Variants in STAB2 observed in about 807,000 individuals in gnomAD.
STAB2 encodes stabilin-2.
Under a neutral mutation model 338.1 loss-of-function variants are expected in STAB2, and 288 were observed. The observed-to-expected ratio is 0.85, with a 90% CI of 0.77 to 0.94. STAB2 has a LOEUF of 0.94. STAB2 is among the 40% of genes least tolerant of loss of function. The probability of loss-of-function intolerance (pLI) is 0.00; values close to 1 mark genes in which losing one functional copy is unlikely to be tolerated. For missense variants in STAB2, 3,141 were observed against 3,210.1 expected, an observed-to-expected ratio of 0.98 and a Z score of 0.52; for synonymous variants, 1,202 against 1,193.3, an observed-to-expected ratio of 1.01 and a Z score of -0.15.
chr12:103,630,392 T>C (rs948328228), intron 5 of STAB2, among the ~76,000 whole-genome samples: 1 of 152,254 alleles, frequency 6.6e-6, no homozygotes, highest in Non-Finnish European at 1.5e-5. Context: ...TCTTCTTAAT[T>C]ATGTTTCATT....
Position 103,662,830 on chromosome 12 carries a change from C to G in STAB2, c.1870-16C>G. On this transcript the variant is annotated splice_polypyrimidine_tract_variant and intron_variant, in intron 17 of 68. Transcript: ENST00000388887. ...CAGAATAGTACAGAATTAGAGATGT[C>G]ATTTTTTCTTTCCAGGGACAGATTC... 5 of 1,613,796 alleles carry G rather than the reference C, an allele frequency of 3.1e-6. No individual in the cohort carries two copies. Among genetic ancestry groups the G allele is most frequent in the Non-Finnish European group, 4.2e-6 (5 of 1,179,872 alleles).
At chr12:103,597,475 A>T (rs1956894255) in intron 3 of STAB2, among the ~76,000 whole-genome samples, 1 of 152,220 alleles carries the variant, frequency 6.6e-6, no homozygotes, top group Non-Finnish European at 1.5e-5. Flanking sequence ...CCTATGGTCA[A>T]CGCTGAAAAC....
chr12:103,616,473 C>T (rs1565962977), intron 3 of STAB2, among the ~76,000 whole-genome samples: 1 of 152,056 alleles, frequency 6.6e-6, no homozygotes, highest in African/African-American at 2.4e-5. Flanking sequence ...TAAGTTGGTT[C>T]CATGCTTGGA....
At chr12:103,722,772 G>A (rs1300014446) in intron 44 of STAB2, among the ~76,000 whole-genome samples, 1 of 152,110 alleles carries the variant, frequency 6.6e-6, no homozygotes, top group Non-Finnish European at 1.5e-5. Context: ...GTAATATGAA[G>A]GCATGTTTTT....
chr12:103,749,841 CAAAAAAAAAAAAAAAA>C (rs369556936), intron 59 of STAB2, among the ~76,000 whole-genome samples: 1 of 51,132 alleles, frequency 2.0e-5, no homozygotes, highest in East Asian at 6.3e-4. Flanking sequence ...CTCTGTCTCA[CAAAAAAAAAAAAAAAA>C]AAAAAAAAAA....
At chr12:103,652,732 C>A (rs1565985941) in intron 12 of STAB2, 27 bp downstream of exon 12, 1 of 1,537,390 alleles carries the variant, frequency 6.5e-7, no homozygotes, top group Admixed American at 2.0e-5. Flanking sequence ...TTTTCACTCC[C>A]AGAACTAAAT....
At chr12:103,711,911 T>C (rs183380356) in intron 40 of STAB2, among the ~76,000 whole-genome samples, 6 of 152,248 alleles carry the variant, frequency 3.9e-5, no homozygotes, top group Admixed American at 2.6e-4. Context: ...AGTAGTGGAG[T>C]TAGACATGAA....
chr12:103,673,369 C>G (rs1876007033), intron 22 of STAB2, among the ~76,000 whole-genome samples: 1 of 151,276 alleles, frequency 6.6e-6, no homozygotes, highest in Non-Finnish European at 1.5e-5. Context: ...GTTTTTGAGA[C>G]AGGGTCTCAC....
chr12:103,661,573 ACAG>A (rs1207492123), intron 17 of STAB2, among the ~76,000 whole-genome samples: 1 of 152,240 alleles, frequency 6.6e-6, no homozygotes, highest in African/African-American at 2.4e-5. Flanking sequence ...CATCTATTAG[ACAG>A]CAGCAAGTGC....
intron 18 of STAB2, among the ~76,000 whole-genome samples, chr12:103,663,321 G>A (rs1874784875): frequency 6.6e-6 from 1 of 152,208 alleles, no homozygotes; most frequent in Admixed American, 6.5e-5. Flanking sequence ...GAGGTCAGAA[G>A]TCTGAAATCA....
rs909395977 is a variant in STAB2 at position 103,590,738 on chromosome 12, G to C, written c.82-159G>C. Among the ~76,000 whole-genome samples the C allele has an allele frequency of 7.2e-5, 11 of 152,256 alleles. No homozygotes were observed. The East Asian group carries it at 2.1e-3, about 29-fold the overall frequency. On this transcript the variant is annotated intron_variant, in intron 1 of 68. Coordinates refer to ENST00000388887, the MANE Select transcript of STAB2 (RefSeq NM_017564.10). The stretch of plus-strand genomic sequence containing the variant: ...CTCAATACTCTTTCCAGATAAGATT[G>C]AAAGGAGCAAACCAGTCATTACCAA...
intron 27 of STAB2, among the ~76,000 whole-genome samples, chr12:103,687,807 G>C (rs74574690): frequency 6.6e-6 from 1 of 152,150 alleles, no homozygotes; most frequent in Non-Finnish European, 1.5e-5. Flanking sequence ...TCTGAAAGGG[G>C]GCTATTTGCT....
intron 18 of STAB2, among the ~76,000 whole-genome samples, chr12:103,665,936 C>G (rs1470381256): frequency 1.3e-5 from 2 of 152,248 alleles, no homozygotes; most frequent in Non-Finnish European, 2.9e-5. Flanking sequence ...ATCCCTAGCA[C>G]AGGTCAATAA....
Position 103,693,448 on chromosome 12 carries a change from A to C in STAB2, c.3375+559A>C, listed in dbSNP as rs1389282915. Reference sequence around the variant, plus strand: ...CGAGACTGTCTCACAAAAACAAAAAAAAAACACACTTGAGCTTAAGCACCC... The same window carrying C: ...CGAGACTGTCTCACAAAAACAAAAACAAAACACACTTGAGCTTAAGCACCC... On this transcript the variant is annotated intron_variant, in intron 31 of 68. Transcript: ENST00000388887. Among the ~76,000 whole-genome samples the C allele has an allele frequency of 2.6e-5, 4 of 152,180 alleles. No homozygotes were observed. The East Asian group carries it at 7.7e-4, about 29-fold the overall frequency.
chr12:103,715,962 G>C, intron 43 of STAB2, 74 bp downstream of exon 43: 1 of 1,495,906 alleles, frequency 6.7e-7, no homozygotes, highest in Non-Finnish European at 9.2e-7. Flanking sequence ...AGGCCTGAGA[G>C]AAAGAGGCTG....
Position 103,728,927 on chromosome 12 carries a change from G to A in STAB2, c.5014G>A (p.Glu1672Lys). The A allele has an allele frequency of 6.2e-7, 1 of 1,613,958 alleles. No homozygotes were observed. Among genetic ancestry groups the A allele is most frequent in the Non-Finnish European group, 8.5e-7 (1 of 1,179,850 alleles). ...HVVACHQLLLENLKLISNATS... is the reference protein window; with the variant it reads ...HVVACHQLLLKNLKLISNATS... ...GGTCGCCTGCCACCAGCTGCTTCTG[G>A]AAAACCTGAAATTGATCTCAAATGC... The change falls in exon 48 of 69, where the codon GAA (glutamate) becomes AAA (lysine). Residue 1672 changes from glutamate (E) to lysine (K), a missense_variant. Coordinates refer to ENST00000388887, the MANE Select transcript of STAB2 (RefSeq NM_017564.10).
intron 9 of STAB2, among the ~76,000 whole-genome samples, chr12:103,640,517 G>A (rs1364645428): frequency 6.6e-6 from 1 of 152,192 alleles, no homozygotes; most frequent in African/African-American, 2.4e-5. Flanking sequence ...GAAGTGGTCA[G>A]AATGTGGGAG....
chr12:103,663,493 C>T (rs1874804632), intron 18 of STAB2, among the ~76,000 whole-genome samples: 1 of 152,142 alleles, frequency 6.6e-6, no homozygotes, highest in African/African-American at 2.4e-5. Flanking sequence ...GTGCACACCA[C>T]CACACCTGGC....
At chr12:103,708,623 C>T (rs1879578225) in intron 39 of STAB2, 87 bp downstream of exon 39, 11 of 1,209,854 alleles carry the variant, frequency 9.1e-6, no homozygotes, top group Non-Finnish European at 1.3e-5. Flanking sequence ...ATAAATGACA[C>T]CTTTTTTTAC....
Sources: allele counts gnomAD v4.1 joint callset (sites outside exome capture counted in the v4.1 genomes callset), GRCh38; gene constraint gnomAD v4.1.1; transcripts MANE v1.5; gene names NCBI Gene and HGNC (gene_info 2026-07-23, HGNC 2026-07-21).